Variants in CTNNA3 observed in about 807,000 individuals in gnomAD.
The protein encoded by CTNNA3 is catenin alpha-3.
CTNNA3 carries 76 observed loss-of-function variants against 95.7 expected under a neutral mutation model. The observed-to-expected ratio is 0.79, with a 90% CI of 0.66 to 0.96. The LOEUF is 0.96. Among genes scored for constraint, CTNNA3 ranks in the 40% least tolerant of loss-of-function variants. The pLI is 0.00. For synonymous variants in CTNNA3, 431 were observed against 374.4 expected (o/e 1.15, Z -1.74); for missense variants, 1,191 against 1,089.8 (o/e 1.09, Z -1.31).
At position 65,939,758 on chromosome 10, in the gene CTNNA3, T is replaced by C. The variant is rs377310785; in HGVS notation, c.2401-19141A>G. Among the ~76,000 whole-genome samples, 11 of 152,278 alleles carry C rather than the reference T, an allele frequency of 7.2e-5. No individual in the cohort carries two copies. The East Asian group carries it at 1.7e-3, about 24-fold the overall frequency. On this transcript the variant is annotated intron_variant, in intron 17 of 17. Transcript: ENST00000433211. ...TACTATTATTGTACTGCAGTTTTTA[T>C]AATATAAATAATTTGTATGATTATT...
At chr10:66,849,579 A>T (rs1843405539) in intron 7 of CTNNA3, among the ~76,000 whole-genome samples, 1 of 152,168 alleles carries the variant, frequency 6.6e-6, no homozygotes, top group Non-Finnish European at 1.5e-5. Flanking sequence ...AGTGGGTCCT[A>T]AATCCAGTGA....
intron 10 of CTNNA3, among the ~76,000 whole-genome samples, chr10:66,587,038 T>C (rs1040342423): frequency 1.3e-5 from 2 of 152,116 alleles, no homozygotes; most frequent in Admixed American, 6.5e-5. Context: ...AACTGTCCTC[T>C]AGTTTCCCAG....
chr10:66,602,146 A>G (rs926166883), intron 10 of CTNNA3, among the ~76,000 whole-genome samples: 3 of 151,886 alleles, frequency 2.0e-5, no homozygotes, highest in Non-Finnish European at 4.4e-5. Flanking sequence ...GACTGGGTAT[A>G]GAAGTTCTTA....
chr10:67,085,036 G>A (rs1317860637), intron 7 of CTNNA3, among the ~76,000 whole-genome samples: 1 of 151,860 alleles, frequency 6.6e-6, no homozygotes, highest in East Asian at 1.9e-4. Flanking sequence ...TCTTAACCTT[G>A]AGCTTCAAAT....
chr10:67,538,674 G>A (rs900474941), intron 4 of CTNNA3, among the ~76,000 whole-genome samples: 1 of 151,832 alleles, frequency 6.6e-6, no homozygotes, highest in African/African-American at 2.4e-5. Flanking sequence ...TTGACATGAA[G>A]GTTAATCAAA....
At chr10:67,124,637 G>A (rs1245434332) in intron 7 of CTNNA3, among the ~76,000 whole-genome samples, 1 of 151,996 alleles carries the variant, frequency 6.6e-6, no homozygotes, top group Non-Finnish European at 1.5e-5. Flanking sequence ...AGTAAAGGCT[G>A]CCAAAATAAC....
chr10:66,219,081 G>T (rs1016435034), intron 13 of CTNNA3, among the ~76,000 whole-genome samples: 1 of 152,114 alleles, frequency 6.6e-6, no homozygotes, highest in Non-Finnish European at 1.5e-5. Context: ...GAGTTTACAG[G>T]TCTATAAATC....
At chr10:67,183,016 G>A (rs1240086053) in intron 6 of CTNNA3, among the ~76,000 whole-genome samples, 5 of 152,130 alleles carry the variant, frequency 3.3e-5, no homozygotes, top group Non-Finnish European at 2.9e-5. Flanking sequence ...TTAGAATGGC[G>A]ATCATTAAAA....
intron 7 of CTNNA3, chr10:67,013,055 C>T (rs1399853252): frequency 6.6e-6 from 1 of 152,130 alleles, no homozygotes; most frequent in Non-Finnish European, 1.5e-5. Context: ...TACTGTTATA[C>T]ATATTATTAT....
At chr10:67,175,792 C>T (rs1007319438) in intron 7 of CTNNA3, among the ~76,000 whole-genome samples, 10 of 152,154 alleles carry the variant, frequency 6.6e-5, no homozygotes, top group African/African-American at 2.2e-4. Flanking sequence ...GAAAAATATC[C>T]ATGCTTGGTG....
chr10:66,329,772 C>A (rs921511350), intron 12 of CTNNA3, among the ~76,000 whole-genome samples: 4 of 151,888 alleles, frequency 2.6e-5, no homozygotes, highest in African/African-American at 4.8e-5. Context: ...TGTTTTCAGA[C>A]TGAAAAATTA....
At chr10:66,663,470 CAAAA>C (rs141528493) in intron 9 of CTNNA3, among the ~76,000 whole-genome samples, 9 of 137,426 alleles carry the variant, frequency 6.5e-5, no homozygotes, top group African/African-American at 1.6e-4. Context: ...TTGCCTTTTA[CAAAA>C]AAAAAAAAAA....
At chr10:66,845,516 C>G (rs61866174) in intron 7 of CTNNA3, among the ~76,000 whole-genome samples, 53,972 of 150,890 alleles carry the variant, frequency 0.36, 10,622 homozygotes, top group Non-Finnish European at 0.46. Context: ...CCAGCCTGAC[C>G]AACATGGAGA....
intron 7 of CTNNA3, among the ~76,000 whole-genome samples, chr10:67,005,482 T>C (rs1271851840): frequency 6.6e-6 from 1 of 151,952 alleles, no homozygotes; most frequent in African/African-American, 2.4e-5. Flanking sequence ...ACATAGGCCA[T>C]AGGTTTTATA....
At chr10:65,939,189 G>A (rs2077390066) in intron 17 of CTNNA3, among the ~76,000 whole-genome samples, 1 of 152,170 alleles carries the variant, frequency 6.6e-6, no homozygotes, top group African/African-American at 2.4e-5. Context: ...ACAGGCGTAA[G>A]CCACCGCGCC....
chr10:66,671,428 A>AT (rs1846658320), intron 9 of CTNNA3, among the ~76,000 whole-genome samples: 1 of 152,148 alleles, frequency 6.6e-6, no homozygotes, highest in Admixed American at 6.6e-5. Flanking sequence ...AAAAATACCA[A>AT]TTAAATGAAG....
chr10:66,966,957 A>AT (rs1211075937), intron 7 of CTNNA3, among the ~76,000 whole-genome samples: 1 of 152,000 alleles, frequency 6.6e-6, no homozygotes, highest in Non-Finnish European at 1.5e-5. Flanking sequence ...AATTTTTTGT[A>AT]TTTGGATATC....
chr10:67,150,497 T>C (rs917655839), intron 7 of CTNNA3, among the ~76,000 whole-genome samples: 4 of 152,190 alleles, frequency 2.6e-5, no homozygotes, highest in Admixed American at 1.3e-4. Flanking sequence ...ATGCCCTTCA[T>C]TCCACAAAGA....
chr10:67,503,013 T>C (rs370886992), intron 5 of CTNNA3, among the ~76,000 whole-genome samples: 8 of 152,220 alleles, frequency 5.3e-5, no homozygotes, highest in Non-Finnish European at 8.8e-5. Flanking sequence ...GTCACTGGGG[T>C]ATGAAACAAA....
Sources: gnomAD v4.1 joint callset for allele counts (sites outside exome capture counted in the v4.1 genomes callset) on GRCh38, gnomAD v4.1.1 for gene constraint, MANE v1.5 for transcripts, NCBI Gene and HGNC (gene_info 2026-07-23, HGNC 2026-07-21) for gene names.